The following PLEKHG1 variants were observed in gnomAD, a reference collection of about 807,000 sequenced individuals.
PLEKHG1 encodes the protein pleckstrin homology domain-containing family G member 1.
In PLEKHG1, 44 loss-of-function variants were observed where a neutral mutation model predicts 100.8. That is an observed-to-expected ratio of 0.44 (90% CI 0.34 to 0.56). The LOEUF is 0.56. Ranked by LOEUF, PLEKHG1 falls within the 20% of genes least tolerant of loss-of-function variation. The probability of loss-of-function intolerance (pLI) is 0.01; values close to 1 mark genes in which losing one functional copy is unlikely to be tolerated. For synonymous variants in PLEKHG1, 640 were observed against 662.5 expected, an observed-to-expected ratio of 0.97 and a Z score of 0.52; for missense variants, 1,545 against 1,720.9, an observed-to-expected ratio of 0.90 and a Z score of 1.81.
chr6:150,739,424 T>C (rs923252440), intron 2 of PLEKHG1, among the ~76,000 whole-genome samples: 3 of 152,028 alleles, frequency 2.0e-5, no homozygotes, highest in African/African-American at 7.3e-5. Context: ...TCCCAGCACT[T>C]TGGGAGGCCG....
chr6:150,617,325 T>C (rs554559796), intron 1 of PLEKHG1, among the ~76,000 whole-genome samples: 1 of 152,364 alleles, frequency 6.6e-6, no homozygotes. Context: ...AAGTTTTTGC[T>C]AAGACAGCGC....
intron 3 of PLEKHG1, among the ~76,000 whole-genome samples, chr6:150,777,085 G>A (rs1473592544): frequency 6.7e-6 from 1 of 149,788 alleles, no homozygotes; most frequent in Non-Finnish European, 1.5e-5. Flanking sequence ...TGCAATCCTG[G>A]TGCACATGTG....
At chr6:150,838,060 T>C (rs1191924704) in intron 15 of PLEKHG1, among the ~76,000 whole-genome samples, 2 of 152,154 alleles carry the variant, frequency 1.3e-5, no homozygotes, top group Non-Finnish European at 2.9e-5. Flanking sequence ...CAATAACAGG[T>C]TGTTTCTCTC....
intron 3 of PLEKHG1, among the ~76,000 whole-genome samples, chr6:150,709,716 T>C (rs1253744349): frequency 6.6e-6 from 1 of 152,236 alleles, no homozygotes; most frequent in Non-Finnish European, 1.5e-5. Flanking sequence ...TTTCCACACA[T>C]CATTTCATGA....
intron 3 of PLEKHG1, among the ~76,000 whole-genome samples, chr6:150,777,585 C>T (rs1331164604): frequency 1.3e-5 from 2 of 150,978 alleles, no homozygotes; most frequent in African/African-American, 2.4e-5. Context: ...TGCGGTTGCA[C>T]ATCAGCCACA....
In PLEKHG1 at chr6:150,777,283, T is replaced by C. The variant is rs370428138; in HGVS notation, c.512+8545T>C. On this transcript the variant is annotated intron_variant, in intron 3 of 15. Coordinates refer to ENST00000358517, the Ensembl canonical transcript of PLEKHG1. ...CCTGGTGCACATGTGCGGTTGCACA[T>C]CAGCCACACTGATGCAATCCTGGTG... 2.6e-3 allele frequency among the ~76,000 whole-genome samples: 386 copies of C among 149,788 alleles called. 10 individuals are homozygous for C. The East Asian group carries it at 0.07, about 27-fold the overall frequency.
rs530178034 is a variant in PLEKHG1 at position 150,764,408 on chromosome 6, T to G, written c.412-4230T>G. 5.0e-4 allele frequency among the ~76,000 whole-genome samples: 76 copies of G among 152,330 alleles called. No homozygotes were observed. In the East Asian group the frequency reaches 0.013, roughly 26 times the overall value. On this transcript the variant is annotated intron_variant, in intron 2 of 15. Coordinates refer to ENST00000358517, the Ensembl canonical transcript of PLEKHG1. The stretch of plus-strand genomic sequence containing the variant: ...TATTGGGATTACAGGCATGAGCCAC[T>G]GCACCCGGCCCTGTTTTCTTTATTG...
chr6:150,628,459 T>C (rs959503831), intron 1 of PLEKHG1, among the ~76,000 whole-genome samples: 2 of 151,210 alleles, frequency 1.3e-5, no homozygotes, highest in African/African-American at 4.9e-5. Flanking sequence ...TTTAGATTCC[T>C]TTGAGATCAA....
intron 1 of PLEKHG1, among the ~76,000 whole-genome samples, chr6:150,608,901 A>G (rs1776710188): frequency 6.6e-6 from 1 of 152,226 alleles, no homozygotes; most frequent in Admixed American, 6.5e-5. Flanking sequence ...TAACTGCATA[A>G]TATATGTATG....
intron 10 of PLEKHG1, 83 bp downstream of exon 11, chr6:150,809,817 C>A: frequency 3.1e-6 from 3 of 980,914 alleles, no homozygotes; most frequent in Admixed American, 2.1e-5. Context: ...TACTGTGAGC[C>A]GAGATCACAT....
chr6:150,775,932 A>G (rs1583103615), intron 3 of PLEKHG1, among the ~76,000 whole-genome samples: 1 of 152,048 alleles, frequency 6.6e-6, no homozygotes, highest in South Asian at 2.1e-4. Context: ...TTCCATGCAT[A>G]TGTGTCTCTG....
At chr6:150,605,128 G>A (rs1776540837) in intron 1 of PLEKHG1, among the ~76,000 whole-genome samples, 1 of 152,194 alleles carries the variant, frequency 6.6e-6, no homozygotes, top group African/African-American at 2.4e-5. Context: ...TATAAATGAA[G>A]CATTTAGAGG....
intron 2 of PLEKHG1, among the ~76,000 whole-genome samples, chr6:150,647,138 C>T (rs1482653441): frequency 2.0e-5 from 3 of 152,096 alleles, no homozygotes; most frequent in Non-Finnish European, 2.9e-5. Flanking sequence ...TAGTCAGTAT[C>T]GTATATAGAA....
chr6:150,703,565 C>A (rs1276856837), intron 3 of PLEKHG1, among the ~76,000 whole-genome samples: 2 of 150,110 alleles, frequency 1.3e-5, no homozygotes, highest in Non-Finnish European at 2.9e-5. Flanking sequence ...TGCGCCACTG[C>A]ACTCTTGCCT....
chr6:150,724,007 G>T (rs1468174743), intron 1 of PLEKHG1, among the ~76,000 whole-genome samples: 1 of 152,198 alleles, frequency 6.6e-6, no homozygotes, highest in Admixed American at 6.5e-5. Context: ...GTATCACTGC[G>T]GTCTCATCAT....
In PLEKHG1 at chr6:150,713,460, A is replaced by G. The variant is rs575220697; in HGVS notation, c.-98-20124A>G. Among the ~76,000 whole-genome samples, 9 of 152,282 alleles carry G rather than the reference A, an allele frequency of 5.9e-5. No homozygotes were observed. The East Asian group carries it at 1.4e-3, about 23-fold the overall frequency. ...GCAAACCACCCACGTCAGTTCTAGAAAGCATATGGGCTCCCCTGAGATAAA... is the reference window on the plus strand; with the variant it reads ...GCAAACCACCCACGTCAGTTCTAGAGAGCATATGGGCTCCCCTGAGATAAA... On this transcript the variant is annotated intron_variant, in intron 3 of 3. Transcript: ENST00000367326.
At chr6:150,639,877 G>T (rs1778179915) in intron 2 of PLEKHG1, among the ~76,000 whole-genome samples, 3 of 152,326 alleles carry the variant, frequency 2.0e-5, no homozygotes, top group East Asian at 3.9e-4. Context: ...TATCAATGAT[G>T]CTGCCATTAG....
intron 14 of PLEKHG1, 77 bp downstream of exon 15, chr6:150,823,753 C>A: frequency 3.1e-6 from 3 of 959,080 alleles, no homozygotes; most frequent in South Asian, 2.8e-5. Flanking sequence ...CCATCTCTGT[C>A]ATCTCCAGCC....
chr6:150,779,997 G>A (rs952754422), intron 3 of PLEKHG1, among the ~76,000 whole-genome samples: 3 of 151,480 alleles, frequency 2.0e-5, no homozygotes, highest in Non-Finnish European at 2.9e-5. Flanking sequence ...GATGGAGTCC[G>A]CTCACAGTTC....
Sources: allele counts gnomAD v4.1 joint callset (sites outside exome capture counted in the v4.1 genomes callset), GRCh38; gene constraint gnomAD v4.1.1; transcripts MANE v1.5; gene names NCBI Gene and HGNC (gene_info 2026-07-23, HGNC 2026-07-21).